MECOM: variants seen among roughly 807,000 people sequenced by gnomAD.
MECOM encodes histone-lysine N-methyltransferase MECOM.
MECOM carries 13 observed loss-of-function variants against 116.3 expected under a neutral mutation model. The observed-to-expected ratio is 0.11, with a 90% confidence interval of 0.07 to 0.18. The LOEUF (loss-of-function observed/expected upper bound fraction) is 0.18, where lower values mean the gene tolerates loss of function less well. Among genes scored for constraint, MECOM ranks in the 10% least tolerant of loss-of-function variants. The pLI, the probability that MECOM is intolerant of heterozygous loss-of-function variation, is 1.00. For synonymous variants in MECOM, 528 were observed against 535.2 expected (o/e 0.99, Z 0.19); for missense variants, 1,299 against 1,509.0 (o/e 0.86, Z 2.31).
intron 3 of MECOM, among the ~76,000 whole-genome samples, chr3:169,143,079 C>G (rs1738627047): frequency 6.6e-6 from 1 of 151,832 alleles, no homozygotes; most frequent in South Asian, 2.1e-4. Flanking sequence ...ATCTTTATTT[C>G]ACAGTTATTG....
chr3:169,371,926 C>T (rs1392628403), intron 2 of MECOM, among the ~76,000 whole-genome samples: 1 of 151,992 alleles, frequency 6.6e-6, no homozygotes, highest in Non-Finnish European at 1.5e-5. Flanking sequence ...TAAAATCAAA[C>T]TTAAAAGTGT....
At chr3:169,271,693 C>T (rs1262918008) in intron 2 of MECOM, among the ~76,000 whole-genome samples, 4 of 152,128 alleles carry the variant, frequency 2.6e-5, no homozygotes, top group East Asian at 3.9e-4. Flanking sequence ...ACCAACATGG[C>T]ACATGTATAC....
intron 1 of MECOM, among the ~76,000 whole-genome samples, chr3:169,630,600 A>T (rs933741252): frequency 9.2e-5 from 14 of 152,106 alleles, no homozygotes; most frequent in African/African-American, 3.1e-4. Flanking sequence ...CTACAGGTAC[A>T]CACCACCATG....
At chr3:169,516,448 AT>A (rs1364428035) in intron 1 of MECOM, among the ~76,000 whole-genome samples, 2 of 151,956 alleles carry the variant, frequency 1.3e-5, no homozygotes, top group Admixed American at 1.3e-4. Context: ...AATTTCTCCC[AT>A]TTTTTTCAAG....
chr3:169,146,668 C>T, intron 2 of MECOM: 1 of 1,335,140 alleles, frequency 7.5e-7, no homozygotes, highest in Middle Eastern at 2.3e-4. Context: ...TCCGAAGTGA[C>T]AAACTTTCAC....
At chr3:169,450,522 C>T (rs1265434851) in intron 1 of MECOM, among the ~76,000 whole-genome samples, 2 of 151,822 alleles carry the variant, frequency 1.3e-5, no homozygotes, top group African/African-American at 4.8e-5. Flanking sequence ...ATTAACATCC[C>T]TAAGAAAAAC....
rs184041567 is a variant in MECOM, at chr3:169,635,899, C to A, written c.37+27437G>T. ...TTCTTCACCTAAATCTTCTGTCGAG[C>A]CTTCCCATAATTATGCAATTAATTT... On this transcript the variant is annotated intron_variant, in intron 1 of 16. Transcript: ENST00000651503. Among the ~76,000 whole-genome samples the A allele has an allele frequency of 1.4e-4, 22 of 152,298 alleles. 1 individual carries two copies. Among genetic ancestry groups the A allele is most frequent in the Admixed American group, 1.4e-3 (22 of 15,296 alleles).
chr3:169,366,243 C>T (rs1376639191), intron 2 of MECOM, among the ~76,000 whole-genome samples: 1 of 151,940 alleles, frequency 6.6e-6, no homozygotes, highest in Non-Finnish European at 1.5e-5. Flanking sequence ...CACACAGGAT[C>T]ACTCTCCATC....
At chr3:169,467,582 C>A (rs1748501617) in intron 1 of MECOM, among the ~76,000 whole-genome samples, 1 of 152,170 alleles carries the variant, frequency 6.6e-6, no homozygotes, top group Non-Finnish European at 1.5e-5. Flanking sequence ...ACTAGTTAAA[C>A]TACCAAGGGA....
At chr3:169,236,844 G>A (rs893608331) in intron 2 of MECOM, among the ~76,000 whole-genome samples, 8 of 152,150 alleles carry the variant, frequency 5.3e-5, no homozygotes, top group African/African-American at 9.6e-5. Context: ...ACACTTCAAC[G>A]TGCTCAGACA....
chr3:169,318,165 A>C (rs1381068848), intron 2 of MECOM, among the ~76,000 whole-genome samples: 1 of 152,182 alleles, frequency 6.6e-6, no homozygotes, highest in Admixed American at 6.5e-5. Context: ...AACCATAAAA[A>C]CCCTAGAAGA....
chr3:169,655,295 C>G (rs1416914206), intron 1 of MECOM, among the ~76,000 whole-genome samples: 2 of 152,144 alleles, frequency 1.3e-5, no homozygotes, highest in Non-Finnish European at 2.9e-5. Context: ...AAGGCTTATA[C>G]CCACCTTGCT....
chr3:169,413,214 GC>G (rs1290377791), intron 1 of MECOM, among the ~76,000 whole-genome samples: 2 of 152,188 alleles, frequency 1.3e-5, no homozygotes, highest in African/African-American at 4.8e-5. Flanking sequence ...GCGAGCCGAA[GC>G]AGGGTGAGGC....
intron 1 of MECOM, among the ~76,000 whole-genome samples, chr3:169,641,609 C>G (rs551136794): frequency 5.4e-4 from 83 of 152,332 alleles, no homozygotes; most frequent in African/African-American, 1.9e-3. Flanking sequence ...TGGGCTAATT[C>G]AATACCAATA....
chr3:169,482,937 C>T (rs1306901172), intron 1 of MECOM, among the ~76,000 whole-genome samples: 1 of 152,130 alleles, frequency 6.6e-6, no homozygotes, highest in Non-Finnish European at 1.5e-5. Context: ...ATATTGACTT[C>T]TTGTTTCAAG....
intron 1 of MECOM, among the ~76,000 whole-genome samples, chr3:169,547,964 T>A (rs1247271925): frequency 2.0e-5 from 3 of 152,194 alleles, no homozygotes; most frequent in African/African-American, 7.2e-5. Context: ...TGCAAACACC[T>A]AGATTTTGGA....
chr3:169,445,247 C>T (rs994658160), intron 1 of MECOM, among the ~76,000 whole-genome samples: 4 of 152,140 alleles, frequency 2.6e-5, no homozygotes, highest in Admixed American at 6.5e-5. Flanking sequence ...CCATCACAGG[C>T]CTGGAGGCTC....
At chr3:169,467,471 C>G (rs1748483834) in intron 1 of MECOM, among the ~76,000 whole-genome samples, 1 of 152,120 alleles carries the variant, frequency 6.6e-6, no homozygotes, top group African/African-American at 2.4e-5. Flanking sequence ...GCAAGGAAAT[C>G]CAGTATTAAT....
At chr3:169,535,867 G>T (rs1437631602) in intron 1 of MECOM, among the ~76,000 whole-genome samples, 1 of 152,094 alleles carries the variant, frequency 6.6e-6, no homozygotes, top group East Asian at 1.9e-4. Context: ...AACCTCTCTG[G>T]GTCCCATGAT....
Sources: gnomAD v4.1 joint callset for allele counts (sites outside exome capture counted in the v4.1 genomes callset) on GRCh38, gnomAD v4.1.1 for gene constraint, MANE v1.5 for transcripts, NCBI Gene and HGNC (gene_info 2026-07-23, HGNC 2026-07-21) for gene names.